The following ZCCHC4 variants were observed in gnomAD, a reference collection of about 807,000 sequenced individuals.
ZCCHC4 encodes the protein rRNA N(6)-adenosine-methyltransferase ZCCHC4.
ZCCHC4 carries 54 observed loss-of-function variants against 67.7 expected under a neutral mutation model. The observed-to-expected ratio is 0.80, with a 90% CI of 0.64 to 1.00. ZCCHC4 has a LOEUF of 1.00. ZCCHC4 is among the 50% of genes least tolerant of loss of function. ZCCHC4 has a pLI of 0.00. For synonymous variants in ZCCHC4, 198 were observed against 213.5 expected (o/e 0.93, Z 0.63); for missense variants, 609 against 617.0 (o/e 0.99, Z 0.14).
intron 3 of ZCCHC4, among the ~76,000 whole-genome samples, chr4:25,325,341 C>T (rs2109056478): frequency 7.2e-6 from 1 of 139,824 alleles, no homozygotes; most frequent in South Asian, 2.3e-4. Flanking sequence ...CATCTCGGCT[C>T]ACTGCAACCT....
chr4:25,323,772 A>C (rs1233852886), intron 3 of ZCCHC4, among the ~76,000 whole-genome samples: 3 of 152,124 alleles, frequency 2.0e-5, no homozygotes, highest in Non-Finnish European at 4.4e-5. Context: ...CATAAATTGC[A>C]CATATTTAAA....
At chr4:25,345,464 G>T in intron 5 of ZCCHC4, 84 bp from the exon 6 acceptor site, 1 of 821,594 alleles carries the variant, frequency 1.2e-6, no homozygotes. Context: ...TTTTAAAGGT[G>T]TGATTTTATT....
chr4:25,338,427 C>T (rs1018796616), intron 5 of ZCCHC4, among the ~76,000 whole-genome samples: 1 of 152,148 alleles, frequency 6.6e-6, no homozygotes, highest in Non-Finnish European at 1.5e-5. Flanking sequence ...ATATATTTTA[C>T]ATACATAAAA....
chr4:25,347,284 T>C (rs1720070596), intron 6 of ZCCHC4, among the ~76,000 whole-genome samples: 2 of 152,238 alleles, frequency 1.3e-5, no homozygotes, highest in South Asian at 2.1e-4. Context: ...ACCTAAAGGT[T>C]GGCTAGCAAT....
At chr4:25,323,871 G>A (rs1718711476) in intron 3 of ZCCHC4, among the ~76,000 whole-genome samples, 1 of 152,004 alleles carries the variant, frequency 6.6e-6, no homozygotes, top group South Asian at 2.1e-4. Context: ...ACCTCCAGAA[G>A]TTTCTGCCTG....
At chr4:25,314,317 A>C (rs1026442855) in intron 2 of ZCCHC4, among the ~76,000 whole-genome samples, 153 bp downstream of exon 2, 2 of 152,190 alleles carry the variant, frequency 1.3e-5, no homozygotes, top group African/African-American at 4.8e-5. Context: ...TCAGAAAATG[A>C]GTTCATGTTT....
intron 3 of ZCCHC4, among the ~76,000 whole-genome samples, chr4:25,325,413 G>A (rs1171466928): frequency 3.3e-5 from 5 of 150,012 alleles, no homozygotes; most frequent in East Asian, 4.0e-4. Flanking sequence ...GATTACAGGC[G>A]TGTGCCACCA....
At chr4:25,339,195 C>G (rs1186423016) in intron 5 of ZCCHC4, among the ~76,000 whole-genome samples, 1 of 152,124 alleles carries the variant, frequency 6.6e-6, no homozygotes, top group African/African-American at 2.4e-5. Flanking sequence ...CTCATTGTAA[C>G]TTAATTACCT....
At chr4:25,353,298 A>G (rs1366535241) in intron 8 of ZCCHC4, among the ~76,000 whole-genome samples, 2 of 152,164 alleles carry the variant, frequency 1.3e-5, no homozygotes, top group Non-Finnish European at 2.9e-5. Flanking sequence ...GGACTTTTTT[A>G]TGGCTATTAA....
At chr4:25,344,922 C>T (rs1362360632) in intron 5 of ZCCHC4, among the ~76,000 whole-genome samples, 1 of 151,824 alleles carries the variant, frequency 6.6e-6, no homozygotes, top group Non-Finnish European at 1.5e-5. Flanking sequence ...AACACCTCAG[C>T]CTTCATAGTA....
intron 5 of ZCCHC4, among the ~76,000 whole-genome samples, chr4:25,334,894 T>C (rs1402348438): frequency 1.3e-5 from 2 of 152,048 alleles, no homozygotes; most frequent in South Asian, 4.2e-4. Context: ...CTGGAGTGCA[T>C]TGGCATGGTC....
Position 25,369,983 on chromosome 4 carries a change from C to T in ZCCHC4, c.*819C>T, listed in dbSNP as rs1300466481. 1 of 152,070 alleles carries T rather than the reference C, an allele frequency of 6.6e-6. No homozygotes were observed. Among genetic ancestry groups the T allele is most frequent in the Admixed American group, 6.6e-5 (1 of 15,256 alleles). The allele number at this position is 152,070 out of a possible 1,614,324, so 9.4% of individuals were successfully genotyped here. On this transcript the variant is annotated 3_prime_UTR_variant, in exon 13 of 13. Coordinates refer to ENST00000302874, the MANE Select transcript of ZCCHC4 (RefSeq NM_024936.3). ...GATGGAAAGGGTTTTTACAAAGGCACTGTTTAGATATACAGATTATAATTA... is the reference window on the plus strand; with the variant it reads ...GATGGAAAGGGTTTTTACAAAGGCATTGTTTAGATATACAGATTATAATTA...
chr4:25,317,704 C>CAAAAAAAAAAAAAAAAAA (rs778867924), intron 3 of ZCCHC4, among the ~76,000 whole-genome samples: 1 of 72,348 alleles, frequency 1.4e-5, no homozygotes, highest in African/African-American at 4.9e-5. Flanking sequence ...GACGCTGTCA[C>CAAAAAAAAAAAAAAAAAA]AAAAAAAAAA....
At chr4:25,363,657 T>C (rs1449418492) in intron 10 of ZCCHC4, among the ~76,000 whole-genome samples, 1 of 152,248 alleles carries the variant, frequency 6.6e-6, no homozygotes, top group East Asian at 1.9e-4. Context: ...TTTTTAACAA[T>C]GTTAATACAT....
intron 6 of ZCCHC4, among the ~76,000 whole-genome samples, chr4:25,348,298 C>T (rs565884489): frequency 2.4e-4 from 37 of 152,246 alleles, no homozygotes; most frequent in Admixed American, 3.9e-4. Flanking sequence ...AAATTGATTT[C>T]GCGGTAGAAC....
chr4:25,363,480 G>A lies in ZCCHC4; in HGVS notation c.1210-974G>A, dbSNP rs545216793. Among the ~76,000 whole-genome samples, 11 of 152,264 alleles carry A rather than the reference G, an allele frequency of 7.2e-5. No individual in the cohort carries two copies. In the East Asian group the frequency reaches 1.7e-3, roughly 24 times the overall value. On this transcript the variant is annotated intron_variant, in intron 10 of 12. Coordinates refer to ENST00000302874, the MANE Select transcript of ZCCHC4 (RefSeq NM_024936.3). ...AAATCACCAAATTTTTTAGGAAGGC[G>A]GGTGACCCTTGTTTTGTTTATTTTA...
intron 8 of ZCCHC4, among the ~76,000 whole-genome samples, chr4:25,360,321 A>G (rs1194543189): frequency 6.6e-6 from 1 of 152,242 alleles, no homozygotes; most frequent in Non-Finnish European, 1.5e-5. Context: ...TATGCCCTAT[A>G]GGTAGTTGAC....
chr4:25,332,111 C>T (rs970145781), intron 3 of ZCCHC4, among the ~76,000 whole-genome samples: 5 of 152,028 alleles, frequency 3.3e-5, no homozygotes, highest in African/African-American at 1.2e-4. Flanking sequence ...AGTTTGAGAC[C>T]AGCCTGGCCA....
intron 8 of ZCCHC4, chr4:25,352,197 C>T: frequency 2.0e-6 from 2 of 985,432 alleles, no homozygotes; most frequent in East Asian, 2.3e-4. Flanking sequence ...TGTGTTGATT[C>T]CGGGAGGAAG....
Sources: allele counts gnomAD v4.1 joint callset (sites outside exome capture counted in the v4.1 genomes callset), GRCh38; gene constraint gnomAD v4.1.1; transcripts MANE v1.5; gene names NCBI Gene and HGNC (gene_info 2026-07-23, HGNC 2026-07-21).